BTNL8: variants seen among roughly 807,000 people sequenced by gnomAD.
The protein encoded by BTNL8 is butyrophilin like 8, also known as butyrophilin-like protein 8.
BTNL8 carries 22 observed loss-of-function variants against 36.1 expected under a neutral mutation model. That is an observed-to-expected ratio of 0.61 (90% CI 0.44 to 0.87). The LOEUF (loss-of-function observed/expected upper bound fraction) is 0.87. Among genes scored for constraint, BTNL8 ranks in the 40% least tolerant of loss-of-function variants. BTNL8 has a pLI of 0.00. For synonymous variants in BTNL8, 203 were observed against 235.6 expected (o/e 0.86, Z 1.27); for missense variants, 526 against 616.9 (o/e 0.85, Z 1.56).
In BTNL8 at chr5:180,947,565, C is replaced by A. The variant is rs1215910851; in HGVS notation, c.727C>A (p.Leu243Ile). Residue 243 changes from leucine to isoleucine, a missense_variant, in exon 4 of 8, where the codon CTC (leucine) becomes ATC (isoleucine). Leu to Ile is a conservative substitution (Grantham distance 5, BLOSUM62 2). Transcript: ENST00000340184. ...WHLATKVLGI[L>I]CCGLFFGIVG... ...CCTGGCTACCAAAGTACTGGGAATA[C>A]TCTGCTGTGGCCTATTTTTTGGCAT... The A allele has an allele frequency of 1.9e-6, 3 of 1,614,010 alleles. No individual in the cohort carries two copies. In the Admixed American group the frequency reaches 5.0e-5, roughly 27 times the overall value.
chr5:180,948,362 C>A lies in BTNL8; in HGVS notation c.795C>A (p.Ile265=), dbSNP rs752133331. The change falls in exon 5 of 8, where the codon ATC becomes ATA. Residue 265 remains isoleucine (I), a synonymous_variant. Transcript: ENST00000340184. ...ATACTGTTTCTGTTTCAGGGAAAAT[C>A]CAGGCGGAACTGGGTAAGTATGTGT... ...KIFFSKFQWK[I]QAELDWRRKH... The A allele has an allele frequency of 2.7e-6, 4 of 1,466,564 alleles. No homozygotes were observed. The highest frequency in any genetic ancestry group is 3.7e-5 in the Admixed American group (2 of 53,902). The allele number at this position is 1,466,564 out of a possible 1,614,324, so 90.8% of individuals were successfully genotyped here.
Position 180,950,352 on chromosome 5 carries a change from AG to A in BTNL8, c.1313del (p.Gly438AlafsTer3). The A allele has an allele frequency of 2.1e-6, 3 of 1,463,246 alleles. No homozygotes were observed. Among genetic ancestry groups the A allele is most frequent in the Non-Finnish European group, 2.8e-6 (3 of 1,058,968 alleles). The allele number at this position is 1,463,246 out of a possible 1,614,324, so 90.6% of individuals were successfully genotyped here. On this transcript the variant is annotated frameshift_variant, in exon 8 of 8. Transcript: ENST00000340184. LOFTEE classifies it low-confidence loss of function (END_TRUNC). The part of the protein sequence containing the change: ...LIYTLTCRFE[G>X]LLRPYIEYPS... ...TTTATACCCTGACATGTCGGTTTGA[AG>A]GCTTATTGAGGCCCTACATTGAGTA...
intron 2 of BTNL8, among the ~76,000 whole-genome samples, chr5:180,910,733 G>T (rs572857921): frequency 6.6e-6 from 1 of 152,208 alleles, no homozygotes; most frequent in South Asian, 2.1e-4. Flanking sequence ...CAAACTCCAA[G>T]ACACTTTTCT....
In BTNL8 at chr5:180,950,209, A is replaced by C; in HGVS notation, c.1168A>C (p.Thr390Pro). 2 of 1,463,346 alleles carry C rather than the reference A, an allele frequency of 1.4e-6. 1 individual carries two copies. The highest frequency in any genetic ancestry group is 1.9e-6 in the Non-Finnish European group (2 of 1,058,902). 90.6% of individuals were successfully genotyped at this position (1,463,346 alleles called of 1,614,324 possible). A position where few individuals can be genotyped will look rare whatever the true frequency, so the allele number is the denominator to read the frequency against. Residue 390 changes from threonine (T) to proline (P), a missense_variant, in exon 8 of 8, where the codon ACA (threonine) becomes CCA (proline). Transcript: ENST00000340184. ...LRLNGEHLYF[T>P]LNPRFISVFP... is the part of the protein sequence containing the mutation. Reference sequence around the variant, plus strand: ...ACTGAATGGAGAACATTTGTATTTCACATTAAATCCCCGTTTTATCAGCGT... The same window carrying C: ...ACTGAATGGAGAACATTTGTATTTCCCATTAAATCCCCGTTTTATCAGCGT...
At chr5:180,940,283 G>A (rs1758861740) in intron 3 of BTNL8, among the ~76,000 whole-genome samples, 1 of 151,412 alleles carries the variant, frequency 6.6e-6, no homozygotes, top group South Asian at 2.1e-4. Flanking sequence ...AGGTTGCAGT[G>A]AGCTGAGATC....
Position 180,935,692 on chromosome 5 carries a change from C to T in BTNL8, c.674-11820C>T, listed in dbSNP as rs866098754. 5.3e-5 allele frequency among the ~76,000 whole-genome samples: 8 copies of T among 152,266 alleles called. 1 individual carries two copies. The highest frequency in any genetic ancestry group is 3.4e-3 in the Middle Eastern group (1 of 294). ...GCCCCAGAGCACAGGACTCCTGCCC[C>T]GTGGACTTGGTAGAGAGTGGGGCTC... On this transcript the variant is annotated intron_variant, in intron 3 of 7. Transcript: ENST00000340184. This position sits in a 1 kb window ranked among gnomAD's most constrained non-coding sequence, Gnocchi z 4.8.
chr5:180,934,813 T>C (rs2387716), intron 3 of BTNL8, among the ~76,000 whole-genome samples: 28,774 of 152,102 alleles, frequency 0.19, 4,637 homozygotes, highest in African/African-American at 0.44. Context: ...CTCCTTCTCA[T>C]TGTCTGCAAC....
chr5:180,920,772 C>T (rs973491483), intron 3 of BTNL8, among the ~76,000 whole-genome samples: 4 of 151,894 alleles, frequency 2.6e-5, no homozygotes, highest in Non-Finnish European at 5.9e-5. Flanking sequence ...TTACAATGGG[C>T]AAAGTACATG....
rs191918722 is a variant in BTNL8 at position 180,909,677 on chromosome 5, C to T, written c.397+744C>T. On this transcript the variant is annotated intron_variant, in intron 2 of 7. Coordinates refer to ENST00000340184, the MANE Select transcript of BTNL8 (RefSeq NM_001040462.3). ...GGAGGATTGCTTGAGTCCAGGAGCT[C>T]GAGACCAGCCTGGGCATATGGTAAG... The T allele has an allele frequency of 8.6e-3, 5,886 of 686,116 alleles. 36 individuals are homozygous for T. Among genetic ancestry groups the T allele is most frequent in the Non-Finnish European group, 9.7e-3 (5,474 of 562,664 alleles). The allele number at this position is 686,116 out of a possible 1,614,324, so 42.5% of individuals were successfully genotyped here.
At chr5:180,899,503 G>T in intron 1 of BTNL8, 144 bp downstream of exon 1, 3 of 928,550 alleles carry the variant, frequency 3.2e-6, no homozygotes, top group Non-Finnish European at 3.4e-6. Context: ...AGGATCAGGC[G>T]CTGTGGAAAC....
At chr5:180,911,307 T>C (rs1342720741) in intron 2 of BTNL8, 32 bp from the exon 3 acceptor site, 1 of 1,608,636 alleles carries the variant, frequency 6.2e-7, no homozygotes, top group South Asian at 1.1e-5. Flanking sequence ...GATGTGATCT[T>C]TGCTTTCAAC....
chr5:180,937,511 C>T (rs1250746658), intron 3 of BTNL8, among the ~76,000 whole-genome samples: 1 of 152,046 alleles, frequency 6.6e-6, no homozygotes, highest in Non-Finnish European at 1.5e-5. Context: ...TAAAAGTTTC[C>T]ACCTCAGGGA....
At chr5:180,948,125 C>T in intron 4 of BTNL8, 1 of 690,402 alleles carries the variant, frequency 1.4e-6, no homozygotes. Context: ...CCCACCTCCA[C>T]AGCATCCCAG....
intron 2 of BTNL8, chr5:180,909,583 A>C: frequency 5.1e-6 from 5 of 985,270 alleles, no homozygotes; most frequent in Non-Finnish European, 6.0e-6. Context: ...CTTCACAGTG[A>C]AATGTATTTG....
Position 180,911,444 on chromosome 5 carries a change from A to G in BTNL8, c.503A>G (p.Lys168Arg), listed in dbSNP as rs199737855. 1 of 1,614,208 alleles carries G rather than the reference A, an allele frequency of 6.2e-7. No homozygotes were observed. Residue 168 changes from lysine (K) to arginine (R), a missense_variant, in exon 3 of 8, where the codon AAA becomes AGA. Around this residue, in one of 2 missense-constraint regions of BTNL8, gnomAD observed 350 missense variants for 324.6 expected, o/e 1.08. Transcript: ENST00000340184. The part of the protein sequence containing the change: ...GWFPRPTAKW[K>R]GPQGQDLSTD... The stretch of plus-strand genomic sequence containing the variant: ...TTCCCCCGGCCCACAGCGAAGTGGA[A>G]AGGTCCACAAGGACAGGATTTGTCC...
In BTNL8 at chr5:180,937,313, C is replaced by T. The variant is rs565312832; in HGVS notation, c.674-10199C>T. On this transcript the variant is annotated intron_variant, in intron 3 of 7. Transcript: ENST00000340184. ...GCCTAAAAACCAGCCTAGCTGGTGG[C>T]CCCAGCTCCCTGCAAAGCTGTGCCA... is the stretch of plus-strand genomic sequence containing the variant. Among the ~76,000 whole-genome samples the T allele has an allele frequency of 3.3e-5, 5 of 152,340 alleles. No homozygotes were observed. The South Asian group carries it at 1.0e-3, about 32-fold the overall frequency.
chr5:180,942,629 T>A (rs1184440288), intron 3 of BTNL8, among the ~76,000 whole-genome samples: 1 of 152,074 alleles, frequency 6.6e-6, no homozygotes, highest in Non-Finnish European at 1.5e-5. Flanking sequence ...AACCCAGATA[T>A]AAATCCACAT....
intron 3 of BTNL8, among the ~76,000 whole-genome samples, chr5:180,914,832 G>T (rs1373993381): frequency 6.6e-6 from 1 of 152,146 alleles, no homozygotes; most frequent in Non-Finnish European, 1.5e-5. Context: ...AGGCAAAAAA[G>T]CCAAGAACAG....
chr5:180,939,918 A>G (rs999471091), intron 3 of BTNL8, among the ~76,000 whole-genome samples: 4 of 152,246 alleles, frequency 2.6e-5, no homozygotes, highest in Admixed American at 2.6e-4. Context: ...AGAATAAAAC[A>G]AGAAATCAAT....
Sources: allele counts gnomAD v4.1 joint callset (sites outside exome capture counted in the v4.1 genomes callset), GRCh38; gene constraint gnomAD v4.1.1; regional missense constraint gnomAD v4.1.1; non-coding constraint Gnocchi (gnomAD v3.1); transcripts MANE v1.5; gene names NCBI Gene and HGNC (gene_info 2026-07-23, HGNC 2026-07-21).